The following ROBO1 variants were observed in gnomAD, a reference collection of about 807,000 sequenced individuals.
ROBO1 encodes roundabout guidance receptor 1.
Under a neutral mutation model 195.9 loss-of-function variants are expected in ROBO1, and 149 were observed. The ratio of observed to expected loss-of-function variants is 0.76; its 90% CI spans 0.67 to 0.87. The LOEUF (loss-of-function observed/expected upper bound fraction) is 0.87. Ranked by LOEUF, ROBO1 falls within the 40% of genes least tolerant of loss-of-function variation. The probability of loss-of-function intolerance (pLI) is 0.00; values close to 1 mark genes in which losing one functional copy is unlikely to be tolerated. For missense variants in ROBO1, 1,933 were observed against 2,068.3 expected, an observed-to-expected ratio of 0.93 and a Z score of 1.27; for synonymous variants, 816 against 733.2, an observed-to-expected ratio of 1.11 and a Z score of -1.82.
chr3:78,962,729 C>A (rs2041431614), intron 3 of ROBO1, among the ~76,000 whole-genome samples: 2 of 140,994 alleles, frequency 1.4e-5, no homozygotes, highest in South Asian at 2.2e-4. Context: ...GAGGTTGAGG[C>A]AGGACAATGG....
rs908611307 is a variant in ROBO1 at position 79,459,773 on chromosome 3, A to C, written c.88+130051T>G. On this transcript the variant is annotated intron_variant, in intron 2 of 30. Coordinates refer to ENST00000464233, the MANE Select transcript of ROBO1 (RefSeq NM_002941.4). Reference sequence around the variant, plus strand: ...ACATTAATTCACTATTTTAAAAAGCAATAAAAAGCATTTTCACAAGGTATT... The same window carrying C: ...ACATTAATTCACTATTTTAAAAAGCCATAAAAAGCATTTTCACAAGGTATT... 2.6e-5 allele frequency among the ~76,000 whole-genome samples: 4 copies of C among 152,118 alleles called. No homozygotes were observed. In the East Asian group the frequency reaches 7.7e-4, roughly 29 times the overall value.
chr3:78,652,441 A>G (rs550014594), intron 18 of ROBO1, among the ~76,000 whole-genome samples: 6 of 152,256 alleles, frequency 3.9e-5, no homozygotes, highest in Non-Finnish European at 7.4e-5. Flanking sequence ...TCTAAGCTAG[A>G]TATGGAAAAG....
At chr3:78,660,201 G>T in intron 16 of ROBO1, 1 of 161,874 alleles carries the variant, frequency 6.2e-6, no homozygotes, top group South Asian at 1.6e-4. Flanking sequence ...GGTTACAGGC[G>T]TGAGCCACTG....
At chr3:78,997,111 C>T (rs1055841638) in intron 3 of ROBO1, among the ~76,000 whole-genome samples, 3 of 152,126 alleles carry the variant, frequency 2.0e-5, no homozygotes, top group African/African-American at 7.2e-5. Context: ...ACAGCCTCTA[C>T]CACAAAGAAC....
intron 1 of ROBO1, among the ~76,000 whole-genome samples, chr3:79,682,618 A>C (rs1946983521): frequency 6.6e-6 from 1 of 152,054 alleles, no homozygotes; most frequent in South Asian, 2.1e-4. Flanking sequence ...TCCCCAGAGA[A>C]GGTCTCCTGA....
chr3:79,415,666 G>T (rs921377951), intron 2 of ROBO1, among the ~76,000 whole-genome samples: 1 of 152,200 alleles, frequency 6.6e-6, no homozygotes, highest in African/African-American at 2.4e-5. Context: ...TGCATTAAAA[G>T]GTTACTCTTC....
chr3:79,767,263 C>G (rs778958714), intron 1 of ROBO1, among the ~76,000 whole-genome samples: 98 of 152,080 alleles, frequency 6.4e-4, no homozygotes, highest in Non-Finnish European at 1.2e-3. Context: ...GTGCGGTCAG[C>G]GGCACTGAGA....
intron 4 of ROBO1, among the ~76,000 whole-genome samples, chr3:78,801,677 T>C (rs779137856): frequency 2.1e-4 from 32 of 152,074 alleles, no homozygotes; most frequent in Non-Finnish European, 4.1e-4. Flanking sequence ...AAATATAACA[T>C]GGGGTACTTT....
At chr3:78,919,152 C>T (rs754641412) in intron 4 of ROBO1, among the ~76,000 whole-genome samples, 3 of 152,036 alleles carry the variant, frequency 2.0e-5, no homozygotes, top group Non-Finnish European at 4.4e-5. Flanking sequence ...TACATCAGAC[C>T]ATAGGGAGAT....
intron 2 of ROBO1, among the ~76,000 whole-genome samples, chr3:79,555,588 C>A (rs1942669963): frequency 6.6e-6 from 1 of 152,080 alleles, no homozygotes; most frequent in Non-Finnish European, 1.5e-5. Context: ...TGAGACAGAT[C>A]TCCTAGTTTC....
In ROBO1 at chr3:79,236,153, AC is replaced by A. The variant is rs548323443; in HGVS notation, c.89-110615del. Among the ~76,000 whole-genome samples the A allele has an allele frequency of 4.5e-3, 687 of 152,270 alleles. 4 individuals carry two copies. The highest frequency in any genetic ancestry group is 0.015 in the African/African-American group (641 of 41,544). The stretch of plus-strand genomic sequence containing the variant: ...TAGCAGCAATATGAACACACGTATG[AC>A]ATTTTCATACTTAGAAAATAAGCAA... On this transcript the variant is annotated intron_variant, in intron 2 of 30. Transcript: ENST00000464233.
chr3:79,475,342 G>A (rs1286609494), intron 2 of ROBO1, among the ~76,000 whole-genome samples: 2 of 151,910 alleles, frequency 1.3e-5, no homozygotes, highest in African/African-American at 4.8e-5. Flanking sequence ...ATAAGTCTGG[G>A]TGAGGTTCTG....
At chr3:78,975,313 T>C (rs1486772708) in intron 3 of ROBO1, among the ~76,000 whole-genome samples, 3 of 152,160 alleles carry the variant, frequency 2.0e-5, no homozygotes, top group Non-Finnish European at 4.4e-5. Context: ...TTATCTCCTA[T>C]GTTCATGTCT....
In ROBO1 at chr3:79,613,804, T is replaced by A. The variant is rs577395785; in HGVS notation, c.-50-23843A>T. Among the ~76,000 whole-genome samples, 3 of 152,108 alleles carry A rather than the reference T, an allele frequency of 2.0e-5. No homozygotes were observed. The East Asian group carries it at 5.8e-4, about 29-fold the overall frequency. ...CACACAATAAATATAATCACATAAT[T>A]GACTAAAAGTAAAAGGTTCGGAGAA... On this transcript the variant is annotated intron_variant, in intron 1 of 30. Transcript: ENST00000464233.
chr3:79,051,873 C>T (rs1309253325), intron 3 of ROBO1, among the ~76,000 whole-genome samples: 1 of 152,132 alleles, frequency 6.6e-6, no homozygotes, highest in South Asian at 2.1e-4. Flanking sequence ...TTATACTTTC[C>T]TATTCCCGTC....
chr3:78,765,656 T>C (rs940239165), intron 4 of ROBO1, among the ~76,000 whole-genome samples: 22 of 152,302 alleles, frequency 1.4e-4, no homozygotes, highest in Middle Eastern at 6.8e-3. Flanking sequence ...AAAGTGGTCA[T>C]TCAAAATGCT....
intron 3 of ROBO1, chr3:79,019,404 C>T: frequency 3.0e-6 from 3 of 986,008 alleles, no homozygotes; most frequent in Non-Finnish European, 3.6e-6. Context: ...CAGCTCCTCC[C>T]GGATCAGCGG....
intron 1 of ROBO1, among the ~76,000 whole-genome samples, chr3:79,616,147 C>T (rs1429274452): frequency 1.3e-5 from 2 of 152,130 alleles, no homozygotes; most frequent in Non-Finnish European, 2.9e-5. Flanking sequence ...AAGAGCAGAG[C>T]ATCAGGTGGT....
At chr3:79,279,946 C>T (rs897892456) in intron 2 of ROBO1, among the ~76,000 whole-genome samples, 1 of 152,118 alleles carries the variant, frequency 6.6e-6, no homozygotes, top group East Asian at 1.9e-4. Flanking sequence ...TAATTCATGG[C>T]AACATGGATG....
Sources: gnomAD v4.1 joint callset for allele counts (sites outside exome capture counted in the v4.1 genomes callset) on GRCh38, gnomAD v4.1.1 for gene constraint, MANE v1.5 for transcripts, NCBI Gene and HGNC (gene_info 2026-07-23, HGNC 2026-07-21) for gene names.